Variants in ANO1 observed in about 807,000 individuals in gnomAD.
The protein encoded by ANO1 is anoctamin-1.
In ANO1, 59 loss-of-function variants were observed where a neutral mutation model predicts 124.0. The observed-to-expected ratio is 0.48, with a 90% CI of 0.39 to 0.59. The LOEUF (loss-of-function observed/expected upper bound fraction) is 0.59, where lower values mean the gene tolerates loss of function less well. Ranked by LOEUF, ANO1 falls within the 20% of genes least tolerant of loss-of-function variation. The probability of loss-of-function intolerance (pLI) is 0.00; values close to 1 mark genes in which losing one functional copy is unlikely to be tolerated. For synonymous variants in ANO1, 529 were observed against 532.0 expected, an observed-to-expected ratio of 0.99 and a Z score of 0.08; for missense variants, 1,059 against 1,328.0, an observed-to-expected ratio of 0.80 and a Z score of 3.15.
intron 1 of ANO1, among the ~76,000 whole-genome samples, chr11:69,995,325 C>T (rs984556255): frequency 1.2e-4 from 18 of 152,100 alleles, no homozygotes; most frequent in African/African-American, 4.3e-4. Flanking sequence ...TCTTGAACTC[C>T]TGACCTTGTG....
chr11:70,028,253 A>T (rs1301895785), intron 1 of ANO1, among the ~76,000 whole-genome samples: 1 of 152,164 alleles, frequency 6.6e-6, no homozygotes, highest in Non-Finnish European at 1.5e-5. Flanking sequence ...GTTTATTTCA[A>T]GGGGGACCGC....
intron 2 of ANO1, among the ~76,000 whole-genome samples, chr11:70,090,334 C>T (rs531166980): frequency 6.6e-6 from 1 of 152,210 alleles, no homozygotes; most frequent in African/African-American, 2.4e-5. Context: ...ACACTCCATC[C>T]TCATTCTTTC....
chr11:70,147,495 C>T (rs999017504), intron 11 of ANO1, among the ~76,000 whole-genome samples: 2 of 152,204 alleles, frequency 1.3e-5, no homozygotes, highest in African/African-American at 2.4e-5. Context: ...GGCTGGGTTT[C>T]CAGCAGGTGT....
intron 1 of ANO1, among the ~76,000 whole-genome samples, chr11:70,027,783 A>G (rs1467791863): frequency 1.3e-5 from 2 of 152,166 alleles, no homozygotes; most frequent in African/African-American, 2.4e-5. Context: ...TAGGGGTGGA[A>G]CACGCCCTTC....
At chr11:70,034,028 C>T (rs1857052361) in intron 1 of ANO1, among the ~76,000 whole-genome samples, 1 of 152,070 alleles carries the variant, frequency 6.6e-6, no homozygotes, top group Admixed American at 6.5e-5. Context: ...GCAAGCATCC[C>T]CCATCCATGC....
rs113704420 is a variant in ANO1 at position 70,103,264 on chromosome 11, TAA to T, written c.540+109_540+110del. On this transcript the variant is annotated intron_variant, in intron 3 of 25. Coordinates refer to ENST00000355303, the MANE Select transcript of ANO1 (RefSeq NM_018043.7). ...GCCGACCTCGAGGCCCTGAGTTTTA[TAA>T]AAAAAAAACCCAGTGGGCTTCACGG... 2,595 of 823,428 alleles carry T rather than the reference TAA, an allele frequency of 3.2e-3. 16 individuals carry two copies. Among genetic ancestry groups the T allele is most frequent in the Middle Eastern group, 0.014 (45 of 3,282 alleles). 51.0% of individuals were successfully genotyped at this position (823,428 alleles called of 1,614,324 possible). A position where few individuals can be genotyped will look rare whatever the true frequency, so the allele number is the denominator to read the frequency against.
intron 8 of ANO1, among the ~76,000 whole-genome samples, chr11:70,121,361 G>T (rs2046258761): frequency 7.4e-6 from 1 of 135,958 alleles, no homozygotes; most frequent in South Asian, 2.3e-4. Context: ...CTCTCTGTCT[G>T]TCTCTCTGTC....
intron 1 of ANO1, among the ~76,000 whole-genome samples, chr11:70,000,927 C>T (rs1380646709): frequency 2.0e-5 from 3 of 151,118 alleles, no homozygotes; most frequent in African/African-American, 7.3e-5. Flanking sequence ...CATGAGATAC[C>T]CAGCTTTGGC....
chr11:69,970,628 G>A, the ANO1 span, among the ~76,000 whole-genome samples: 1 of 152,230 alleles, frequency 6.6e-6, no homozygotes, highest in Non-Finnish European at 1.5e-5. Flanking sequence ...TGATAAGGGA[G>A]GAGTTCAAAT....
At chr11:70,004,375 G>A (rs1305239954) in intron 1 of ANO1, among the ~76,000 whole-genome samples, 1 of 152,206 alleles carries the variant, frequency 6.6e-6, no homozygotes, top group Non-Finnish European at 1.5e-5. Context: ...GTGACCACAC[G>A]CCGGATGCTT....
chr11:70,041,217 T>G (rs1857178513), intron 1 of ANO1, among the ~76,000 whole-genome samples: 1 of 152,168 alleles, frequency 6.6e-6, no homozygotes. Context: ...AAAAAATAAA[T>G]GGGTCTTGTG....
chr11:69,983,185 A>T (rs1202951892), upstream of ANO1, among the ~76,000 whole-genome samples: 2 of 151,966 alleles, frequency 1.3e-5, no homozygotes, highest in African/African-American at 2.4e-5. Context: ...AGTCCCCAGC[A>T]TCTGATCATG....
chr11:70,140,118 G>A (rs1310968899), intron 11 of ANO1, among the ~76,000 whole-genome samples: 2 of 152,202 alleles, frequency 1.3e-5, no homozygotes, highest in African/African-American at 2.4e-5. Context: ...TGTTGAAGAC[G>A]CTAAAGTGTT....
At chr11:70,042,169 G>C (rs570177507) in intron 1 of ANO1, among the ~76,000 whole-genome samples, 28 of 152,234 alleles carry the variant, frequency 1.8e-4, no homozygotes, top group African/African-American at 6.5e-4. Flanking sequence ...GACTTAATCT[G>C]TCCCTTCCCC....
intron 17 of ANO1, 106 bp from the exon 18 acceptor site, chr11:70,161,516 A>G (rs936433929): frequency 7.1e-7 from 1 of 1,408,874 alleles, no homozygotes. Flanking sequence ...TGGTGCGCCT[A>G]TGAGAGCCGA....
Position 70,163,297 on chromosome 11 carries a change from C to T in ANO1, c.1907C>T (p.Pro636Leu). Residue 636 changes from proline (P) to leucine (L), a missense_variant, in exon 19 of 26, where the codon CCG (proline) becomes CTG (leucine). By Grantham distance (98) the Pro-to-Leu change is moderately conservative. Coordinates refer to ENST00000355303, the MANE Select transcript of ANO1 (RefSeq NM_018043.7). ...CATCGTTTCAGGTTTGTTGGACGCC[C>T]GGGCGACTACGTGTACATTTTCCGT... ...AFFKGRFVGR[P>L]GDYVYIFRSF... 6.2e-7 allele frequency: 1 copy of T among 1,613,772 alleles called. No individual in the cohort carries two copies. The highest frequency in any genetic ancestry group is 8.5e-7 in the Non-Finnish European group (1 of 1,179,868).
chr11:70,118,969 G>A (rs183079903), intron 8 of ANO1, among the ~76,000 whole-genome samples: 1 of 145,820 alleles, frequency 6.9e-6, no homozygotes, highest in Non-Finnish European at 1.5e-5. Flanking sequence ...TGGGTGAATG[G>A]GTAGATGGAT....
intron 12 of ANO1, among the ~76,000 whole-genome samples, chr11:70,152,196 C>G (rs1460109039): frequency 6.6e-6 from 1 of 151,970 alleles, no homozygotes; most frequent in Non-Finnish European, 1.5e-5. Flanking sequence ...ATTAGCCGGG[C>G]GTGGTGGCGG....
upstream of ANO1, among the ~76,000 whole-genome samples, chr11:69,981,566 G>A (rs571107831): frequency 2.2e-4 from 34 of 152,324 alleles, no homozygotes; most frequent in Non-Finnish European, 4.0e-4. Context: ...GTATCAGAGC[G>A]GAGGACTGTC....
Sources: allele counts gnomAD v4.1 joint callset (sites outside exome capture counted in the v4.1 genomes callset), GRCh38; gene constraint gnomAD v4.1.1; transcripts MANE v1.5; gene names NCBI Gene and HGNC (gene_info 2026-07-23, HGNC 2026-07-21).